Variants in BBS9 observed in about 807,000 individuals in gnomAD.
BBS9 encodes Bardet-Biedl syndrome 9.
BBS9 carries 89 observed loss-of-function variants against 117.7 expected under a neutral mutation model. That is an observed-to-expected ratio of 0.76 (90% CI 0.64 to 0.90). The LOEUF (loss-of-function observed/expected upper bound fraction) is 0.90. Ranked by LOEUF, BBS9 falls within the 40% of genes least tolerant of loss-of-function variation. The pLI, the probability that BBS9 is intolerant of heterozygous loss-of-function variation, is 0.00. For synonymous variants in BBS9, 379 were observed against 370.9 expected, an observed-to-expected ratio of 1.02 and a Z score of -0.25; for missense variants, 982 against 1,042.2, an observed-to-expected ratio of 0.94 and a Z score of 0.80.
chr7:33,574,061 C>T (rs1858291337), intron 21 of BBS9, among the ~76,000 whole-genome samples: 1 of 152,106 alleles, frequency 6.6e-6, no homozygotes, highest in Admixed American at 6.6e-5. Flanking sequence ...TGCCCACAGG[C>T]TTACCTGATA....
chr7:33,530,584 G>A (rs1239074197), intron 20 of BBS9, among the ~76,000 whole-genome samples: 1 of 152,076 alleles, frequency 6.6e-6, no homozygotes, highest in Non-Finnish European at 1.5e-5. Context: ...AGTGATGTCT[G>A]GGTTACTATT....
chr7:33,425,775 A>C (rs1833572301), intron 19 of BBS9, among the ~76,000 whole-genome samples: 1 of 152,286 alleles, frequency 6.6e-6, no homozygotes, highest in Non-Finnish European at 1.5e-5. Context: ...TGAAATACCA[A>C]GTGGGCCTTG....
At chr7:33,188,204 C>T (rs564794559) in intron 5 of BBS9, among the ~76,000 whole-genome samples, 1 of 151,324 alleles carries the variant, frequency 6.6e-6, no homozygotes, top group East Asian at 2.0e-4. Flanking sequence ...TTATTCCAGC[C>T]CTTCATTTTT....
chr7:33,408,231 C>A (rs1200883528), intron 19 of BBS9, among the ~76,000 whole-genome samples: 4 of 152,196 alleles, frequency 2.6e-5, no homozygotes, highest in African/African-American at 9.7e-5. Flanking sequence ...GGGTGTAGGA[C>A]CCTCTGAGCC....
intron 21 of BBS9, among the ~76,000 whole-genome samples, chr7:33,542,705 G>T (rs1346573270): frequency 1.4e-4 from 6 of 43,640 alleles, no homozygotes; most frequent in Non-Finnish European, 2.2e-4. Context: ...ATATATGTGT[G>T]TGTGTGTGTG....
intron 17 of BBS9, among the ~76,000 whole-genome samples, chr7:33,372,963 G>T (rs1823135655): frequency 6.6e-6 from 1 of 151,966 alleles, no homozygotes; most frequent in African/African-American, 2.4e-5. Context: ...ACAGTTTAAT[G>T]ATTCCTTGTA....
intron 19 of BBS9, among the ~76,000 whole-genome samples, chr7:33,490,362 T>C (rs1203134148): frequency 6.9e-6 from 1 of 144,226 alleles, no homozygotes; most frequent in Non-Finnish European, 1.6e-5. Context: ...GGTTTGATTT[T>C]CTTTTTATTT....
chr7:33,372,570 G>A (rs1823067995), intron 17 of BBS9, among the ~76,000 whole-genome samples: 1 of 152,034 alleles, frequency 6.6e-6, no homozygotes, highest in South Asian at 2.1e-4. Context: ...TTTTGTTGAG[G>A]ATTTTTGCAT....
intron 19 of BBS9, among the ~76,000 whole-genome samples, chr7:33,445,568 T>C (rs762370505): frequency 6.6e-6 from 1 of 152,234 alleles, no homozygotes. Context: ...TGTCCTCCAT[T>C]AGTTGGAATG....
chr7:33,556,785 C>T (rs1344478588), intron 21 of BBS9, among the ~76,000 whole-genome samples: 1 of 152,088 alleles, frequency 6.6e-6, no homozygotes, highest in Non-Finnish European at 1.5e-5. Context: ...ATAATGTATC[C>T]TCTGTAAATT....
At chr7:33,524,441 T>C (rs1849147568) in intron 20 of BBS9, among the ~76,000 whole-genome samples, 1 of 152,244 alleles carries the variant, frequency 6.6e-6, no homozygotes, top group Non-Finnish European at 1.5e-5. Context: ...GTTATTGGTT[T>C]ATTCAGAGAT....
At chr7:33,326,856 T>C (rs1266941688) in intron 9 of BBS9, among the ~76,000 whole-genome samples, 1 of 151,758 alleles carries the variant, frequency 6.6e-6, no homozygotes, top group African/African-American at 2.4e-5. Flanking sequence ...GCATCCAAGT[T>C]ACAAGACAAA....
chr7:33,395,589 A>G (rs541061936), intron 19 of BBS9, among the ~76,000 whole-genome samples: 3 of 152,272 alleles, frequency 2.0e-5, no homozygotes, highest in African/African-American at 7.2e-5. Context: ...TTAATGTTCT[A>G]GAGAGGCAGA....
intron 5 of BBS9, among the ~76,000 whole-genome samples, chr7:33,220,305 G>A (rs533156020): frequency 4.8e-4 from 73 of 152,294 alleles, no homozygotes; most frequent in African/African-American, 1.7e-3. Context: ...GTTAAAAAAA[G>A]GGAGGGGCAT....
chr7:33,520,357 CT>C (rs1465029819), intron 20 of BBS9, among the ~76,000 whole-genome samples: 4 of 152,126 alleles, frequency 2.6e-5, no homozygotes, highest in Non-Finnish European at 4.4e-5. Flanking sequence ...ATTTCTGCTG[CT>C]GTTATTCAAG....
chr7:33,609,269 G>A (rs1467281430), downstream of BBS9, among the ~76,000 whole-genome samples: 1 of 152,006 alleles, frequency 6.6e-6, no homozygotes, highest in Non-Finnish European at 1.5e-5. Flanking sequence ...TCATTGAAAT[G>A]ATCTTCATTA....
chr7:33,424,932 G>C (rs1249365704), intron 19 of BBS9, among the ~76,000 whole-genome samples: 4 of 151,990 alleles, frequency 2.6e-5, no homozygotes, highest in African/African-American at 9.7e-5. Flanking sequence ...AATTTAAAAA[G>C]TTTATGATTT....
At position 33,505,935 on chromosome 7, in the gene BBS9, A is replaced by G. The variant is rs896621230; in HGVS notation, c.2298+290A>G. On this transcript the variant is annotated intron_variant, in intron 20 of 22. Transcript: ENST00000242067. ...GGGAAACAGTCATTTGACAGTCTAG[A>G]TGACAGCAGTAACCTTCAGATTAGC... Among the ~76,000 whole-genome samples, 3 of 152,204 alleles carry G rather than the reference A, an allele frequency of 2.0e-5. No individual in the cohort carries two copies. The East Asian group carries it at 5.8e-4, about 29-fold the overall frequency.
intron 5 of BBS9, among the ~76,000 whole-genome samples, chr7:33,200,972 G>A (rs1785749847): frequency 6.6e-6 from 1 of 152,194 alleles, no homozygotes; most frequent in Admixed American, 6.5e-5. Context: ...CTGGAGACAG[G>A]GGCCTGGGTT....
Sources: allele counts gnomAD v4.1 joint callset (sites outside exome capture counted in the v4.1 genomes callset), GRCh38; gene constraint gnomAD v4.1.1; transcripts MANE v1.5; gene names NCBI Gene and HGNC (gene_info 2026-07-23, HGNC 2026-07-21).